DAB1: variants seen among roughly 807,000 people sequenced by gnomAD.
The protein encoded by DAB1 is DAB adaptor protein 1, also known as disabled homolog 1.
A neutral mutation model predicts 64.6 loss-of-function variants in DAB1; 15 were observed. The observed-to-expected ratio is 0.23, with a 90% CI of 0.16 to 0.36. The LOEUF (loss-of-function observed/expected upper bound fraction) is 0.36, where lower values mean the gene tolerates loss of function less well. DAB1 is among the 10% of genes least tolerant of loss of function. DAB1 has a pLI of 1.00. For synonymous variants in DAB1, 235 were observed against 251.9 expected, an observed-to-expected ratio of 0.93 and a Z score of 0.64; for missense variants, 596 against 706.7, an observed-to-expected ratio of 0.84 and a Z score of 1.78.
At chr1:57,236,325 A>T (rs971774197) in intron 2 of DAB1, among the ~76,000 whole-genome samples, 7 of 152,202 alleles carry the variant, frequency 4.6e-5, no homozygotes, top group Admixed American at 4.6e-4. Context: ...ACAAGCTCAC[A>T]GTTGAGTAGG....
chr1:57,376,896 A>T (rs1680939485), intron 1 of DAB1, among the ~76,000 whole-genome samples: 1 of 152,228 alleles, frequency 6.6e-6, no homozygotes, highest in African/African-American at 2.4e-5. Context: ...ACACACACAC[A>T]TATATGTACA....
At chr1:57,846,444 C>A (rs549582122) in intron 1 of DAB1, among the ~76,000 whole-genome samples, 2 of 134,634 alleles carry the variant, frequency 1.5e-5, no homozygotes, top group South Asian at 2.4e-4. Context: ...GGCGACAGAG[C>A]AAGACTCCAT....
chr1:58,068,765 C>CA (rs35122490), intron 5 of DAB1, among the ~76,000 whole-genome samples: 1,974 of 84,558 alleles, frequency 0.023, 50 homozygotes, highest in African/African-American at 0.063. Flanking sequence ...GACTCCATCT[C>CA]AAAAAAAAAA....
At chr1:58,211,241 T>C (rs940305155) in intron 4 of DAB1, among the ~76,000 whole-genome samples, 4 of 152,182 alleles carry the variant, frequency 2.6e-5, no homozygotes, top group Non-Finnish European at 5.9e-5. Context: ...GACACAGTCA[T>C]CTGTGTAACT....
At chr1:58,243,780 T>C (rs1234276253) in intron 4 of DAB1, among the ~76,000 whole-genome samples, 1 of 152,180 alleles carries the variant, frequency 6.6e-6, no homozygotes. Flanking sequence ...ACAAGGCAGA[T>C]ATTATTTCAT....
At chr1:57,641,373 TTGTTGG>T (rs1646125664) in intron 7 of DAB1, among the ~76,000 whole-genome samples, 1 of 131,494 alleles carries the variant, frequency 7.6e-6, no homozygotes, top group African/African-American at 2.9e-5. Flanking sequence ...CCTCTTTTTT[TTGTTGG>T]TTTTTTTTTT....
At chr1:57,746,441 T>G (rs1039126977) in intron 6 of DAB1, among the ~76,000 whole-genome samples, 11 of 152,182 alleles carry the variant, frequency 7.2e-5, no homozygotes, top group African/African-American at 2.7e-4. Context: ...ATTATTTCAA[T>G]TTGAATTCCC....
Position 56,997,954 on chromosome 1 carries a change from C to T in DAB1, c.*190G>A, listed in dbSNP as rs781636246. 7.2e-5 allele frequency: 11 copies of T among 152,426 alleles called. No individual in the cohort carries two copies. The highest frequency in any genetic ancestry group is 1.2e-4 in the Non-Finnish European group (8 of 68,008). The allele number at this position is 152,426 out of a possible 1,614,324, so 9.4% of individuals were successfully genotyped here. A position where few individuals can be genotyped will look rare whatever the true frequency, so the allele number is the denominator to read the frequency against. On this transcript the variant is annotated 3_prime_UTR_variant, in exon 15 of 15. Transcript: ENST00000371236. Reference sequence around the variant, plus strand: ...ATTGGTTGCCAAAAATGCTTAGTTCCCTCTTCTGAGCGAGTTCCATTGGGC... The same window carrying T: ...ATTGGTTGCCAAAAATGCTTAGTTCTCTCTTCTGAGCGAGTTCCATTGGGC...
At chr1:57,252,471 C>T (rs539001460) in intron 2 of DAB1, among the ~76,000 whole-genome samples, 2 of 152,166 alleles carry the variant, frequency 1.3e-5, no homozygotes, top group Admixed American at 6.5e-5. Context: ...ACAAAATAAT[C>T]AGTTTGGTGA....
chr1:58,046,346 G>A (rs72924357), intron 5 of DAB1, among the ~76,000 whole-genome samples: 203 of 152,200 alleles, frequency 1.3e-3, no homozygotes, highest in African/African-American at 4.7e-3. Context: ...AGGACATCAC[G>A]GCAATTGAAA....
intron 7 of DAB1, among the ~76,000 whole-genome samples, chr1:57,441,902 T>G (rs1002314891): frequency 6.6e-6 from 1 of 152,216 alleles, no homozygotes; most frequent in Non-Finnish European, 1.5e-5. Context: ...ATATTCCCAA[T>G]AGTGTATAAG....
chr1:57,423,705 A>C (rs1685110767), intron 1 of DAB1, among the ~76,000 whole-genome samples: 1 of 152,082 alleles, frequency 6.6e-6, no homozygotes, highest in Non-Finnish European at 1.5e-5. Flanking sequence ...ACAGAGAAAG[A>C]GAAGTCGCCC....
At chr1:57,730,815 C>T (rs1343949538) in intron 6 of DAB1, among the ~76,000 whole-genome samples, 1 of 152,062 alleles carries the variant, frequency 6.6e-6, no homozygotes, top group Non-Finnish European at 1.5e-5. Flanking sequence ...CGAAGAAACC[C>T]CAGAAAATTA....
At chr1:57,600,782 G>C (rs1340269076) in intron 7 of DAB1, among the ~76,000 whole-genome samples, 1 of 152,200 alleles carries the variant, frequency 6.6e-6, no homozygotes, top group African/African-American at 2.4e-5. Context: ...ATGGAAAAAT[G>C]AGATGGGAGC....
At chr1:57,148,464 G>A (rs928094402) in intron 2 of DAB1, among the ~76,000 whole-genome samples, 2 of 152,200 alleles carry the variant, frequency 1.3e-5, no homozygotes, top group African/African-American at 4.8e-5. Context: ...AGTTATATTA[G>A]TTAAGAAATA....
intron 1 of DAB1, among the ~76,000 whole-genome samples, chr1:57,385,643 A>G (rs1681746309): frequency 1.3e-5 from 2 of 152,218 alleles, no homozygotes; most frequent in South Asian, 4.1e-4. Flanking sequence ...ACAGCATGAC[A>G]TACTCAGAGA....
intron 2 of DAB1, among the ~76,000 whole-genome samples, chr1:57,289,966 C>T (rs508389): frequency 0.41 from 61,567 of 151,964 alleles, 13,051 homozygotes; most frequent in Admixed American, 0.58. Context: ...CGAAAAGTGA[C>T]AGAATTACTT....
chr1:58,368,200 A>G (rs1007720304), intron 3 of DAB1, among the ~76,000 whole-genome samples: 1 of 152,226 alleles, frequency 6.6e-6, no homozygotes, highest in Non-Finnish European at 1.5e-5. Context: ...TCATAAGCCA[A>G]TGAGGTTGGT....
intron 6 of DAB1, among the ~76,000 whole-genome samples, chr1:57,746,579 G>C (rs1310864668): frequency 2.0e-5 from 3 of 151,798 alleles, no homozygotes; most frequent in African/African-American, 7.3e-5. Context: ...ATTGGTTCCA[G>C]GACCCCCTAG....
Sources: gnomAD v4.1 joint callset for allele counts (sites outside exome capture counted in the v4.1 genomes callset) on GRCh38, gnomAD v4.1.1 for gene constraint, MANE v1.5 for transcripts, NCBI Gene and HGNC (gene_info 2026-07-23, HGNC 2026-07-21) for gene names.